The following SUPT20H variants were observed in gnomAD, a reference collection of about 807,000 sequenced individuals.
SUPT20H encodes SPT20 homolog, SAGA complex component, also known as transcription factor SPT20 homolog.
SUPT20H carries 82 observed loss-of-function variants against 122.8 expected under a neutral mutation model. That is an observed-to-expected ratio of 0.67 (90% CI 0.56 to 0.80). The LOEUF (loss-of-function observed/expected upper bound fraction) is 0.80, where lower values mean the gene tolerates loss of function less well. SUPT20H is among the 30% of genes least tolerant of loss of function. SUPT20H has a pLI of 0.00. For missense variants in SUPT20H, 831 were observed against 921.6 expected (o/e 0.90, Z 1.27); for synonymous variants, 291 against 313.0 (o/e 0.93, Z 0.74).
intron 22 of SUPT20H, among the ~76,000 whole-genome samples, chr13:37,018,981 C>CA (rs926339496): frequency 2.1e-4 from 32 of 149,930 alleles, no homozygotes; most frequent in South Asian, 6.3e-4. Context: ...CCTTCAAGCA[C>CA]AAAAAAAAAC....
intron 16 of SUPT20H, chr13:37,025,867 G>T: frequency 4.4e-6 from 1 of 226,690 alleles, no homozygotes. Flanking sequence ...TTAATTCTAT[G>T]AAAAAAAACC....
chr13:37,032,182 A>G (rs968487147), intron 10 of SUPT20H, among the ~76,000 whole-genome samples: 1 of 152,136 alleles, frequency 6.6e-6, no homozygotes, highest in Non-Finnish European at 1.5e-5. Flanking sequence ...GAGAAGCAAA[A>G]GAGTACTGTG....
intron 5 of SUPT20H, among the ~76,000 whole-genome samples, chr13:37,046,526 T>C (rs1259966699): frequency 6.6e-6 from 1 of 152,162 alleles, no homozygotes; most frequent in Non-Finnish European, 1.5e-5. Flanking sequence ...CTAGACAACA[T>C]ACAAACCAAC....
intron 21 of SUPT20H, among the ~76,000 whole-genome samples, chr13:37,019,812 G>A (rs1004171074): frequency 2.0e-5 from 3 of 151,926 alleles, no homozygotes; most frequent in African/African-American, 4.8e-5. Flanking sequence ...TCTAAGAACC[G>A]GTGTGCTTTA....
intron 23 of SUPT20H, among the ~76,000 whole-genome samples, chr13:37,015,902 A>G (rs1045547017): frequency 2.0e-5 from 3 of 152,228 alleles, no homozygotes; most frequent in Non-Finnish European, 4.4e-5. Flanking sequence ...ACTTTATGCC[A>G]AGTGACATAA....
At position 37,031,818 on chromosome 13, in the gene SUPT20H, C is replaced by T. The variant is rs983367878; in HGVS notation, c.785G>A (p.Arg262Lys). 1.2e-6 allele frequency: 2 copies of T among 1,610,568 alleles called. No homozygotes were observed. The highest frequency in any genetic ancestry group is 2.2e-5 in the East Asian group (1 of 44,662). ...LSHCPPPPQL[R>K]LLDFLQKRKE... The stretch of plus-strand genomic sequence containing the variant: ...TCTTTTTTGTAAGAAATCAAGTAAC[C>T]TCAGCTGAGGAGGAGGTGGACAATG... Residue 262 changes from arginine to lysine, a missense_variant, in exon 11 of 26, where the codon AGG (arginine) becomes AAG (lysine). Coordinates refer to ENST00000350612, the MANE Select transcript of SUPT20H (RefSeq NM_001014286.3).
chr13:37,050,767 C>T (rs55643536), intron 2 of SUPT20H, among the ~76,000 whole-genome samples: 1,857 of 152,108 alleles, frequency 0.012, 28 homozygotes, highest in African/African-American at 0.042. Flanking sequence ...TGTCAGAACC[C>T]CACTGTGATA....
At chr13:37,034,023 T>C (rs1377440052) in intron 9 of SUPT20H, among the ~76,000 whole-genome samples, 1 of 152,214 alleles carries the variant, frequency 6.6e-6, no homozygotes, top group East Asian at 1.9e-4. Flanking sequence ...AGAAATGATG[T>C]ATGTTCTCTG....
At chr13:37,053,691 T>G (rs934362572) in intron 1 of SUPT20H, among the ~76,000 whole-genome samples, 54 of 140,470 alleles carry the variant, frequency 3.8e-4, no homozygotes, top group Non-Finnish European at 7.6e-4. Context: ...AAACTAAAAT[T>G]AAAAAAAAAA....
chr13:37,023,938 C>G, intron 19 of SUPT20H, 97 bp downstream of exon 19: 1 of 1,316,652 alleles, frequency 7.6e-7, no homozygotes, highest in Non-Finnish European at 1.0e-6. Context: ...ACAGTACATT[C>G]AGATATCACT....
chr13:37,055,005 T>C (rs1314281766), intron 1 of SUPT20H, among the ~76,000 whole-genome samples: 3 of 152,080 alleles, frequency 2.0e-5, no homozygotes, highest in Admixed American at 2.0e-4. Flanking sequence ...CATGAGTGAA[T>C]TCCCATTCAC....
At position 37,022,163 on chromosome 13, in the gene SUPT20H, A is replaced by C. The variant is rs779670242; in HGVS notation, c.1592-83T>G. On this transcript the variant is annotated intron_variant, in intron 19 of 25. Coordinates refer to ENST00000350612, the MANE Select transcript of SUPT20H (RefSeq NM_001014286.3). This position sits in a 1 kb window ranked among gnomAD's most constrained non-coding sequence, Gnocchi z 4.5. ...GGCTCAGAGACCTTTGCTGCTGAGCAAACTGAGTTAACAAAGTGGGCTGAG... is the reference window on the plus strand; with the variant it reads ...GGCTCAGAGACCTTTGCTGCTGAGCCAACTGAGTTAACAAAGTGGGCTGAG... 2 of 1,613,740 alleles carry C rather than the reference A, an allele frequency of 1.2e-6. No homozygotes were observed. Among genetic ancestry groups the C allele is most frequent in the Admixed American group, 3.3e-5 (2 of 59,912 alleles).
chr13:37,010,713 T>C, intron 24 of SUPT20H, 58 bp from the exon 25 acceptor site: 1 of 1,231,658 alleles, frequency 8.1e-7, no homozygotes, highest in Non-Finnish European at 1.2e-6. Flanking sequence ...CTACCAGGGT[T>C]AGAAAAGGAC....
intron 21 of SUPT20H, among the ~76,000 whole-genome samples, chr13:37,020,216 T>A (rs564829791): frequency 6.6e-6 from 1 of 152,298 alleles, no homozygotes; most frequent in South Asian, 2.1e-4. Context: ...TTTTTTTTTT[T>A]TAAAGATTTA....
At chr13:37,026,460 A>C (rs1041715472) in intron 15 of SUPT20H, among the ~76,000 whole-genome samples, 3 of 152,110 alleles carry the variant, frequency 2.0e-5, no homozygotes, top group Non-Finnish European at 4.4e-5. Flanking sequence ...TGGTTGATTT[A>C]ATTAAGTGAT....
rs1485719287 is a variant in SUPT20H, at chr13:37,045,366, C to T, written c.173G>A (p.Arg58Lys). 6.2e-7 allele frequency: 1 copy of T among 1,613,052 alleles called. No individual in the cohort carries two copies. The highest frequency in any genetic ancestry group is 1.7e-5 in the Admixed American group (1 of 59,912). ...CTTCTCTAACAAGTTCACATTTCTT[C>T]TTAATTTCTGCTTTAAAAAGAGGCA... ...CEKEPEVKKL[R>K]RNVNLLEKLV... Residue 58 changes from arginine (R) to lysine (K), a missense_variant, in exon 6 of 26, where the codon AGA (arginine) becomes AAA (lysine). Physicochemically the swap from Arg to Lys is conservative, Grantham distance 26 (BLOSUM62 2). Coordinates refer to ENST00000350612, the MANE Select transcript of SUPT20H (RefSeq NM_001014286.3).
At chr13:37,019,971 T>C (rs113098150) in intron 21 of SUPT20H, among the ~76,000 whole-genome samples, 498 of 152,288 alleles carry the variant, frequency 3.3e-3, no homozygotes, top group Middle Eastern at 6.8e-3. Flanking sequence ...GAGCATATCT[T>C]AAAGCTGGGG....
At chr13:37,033,166 T>C (rs1367813417) in intron 10 of SUPT20H, among the ~76,000 whole-genome samples, 2 of 150,644 alleles carry the variant, frequency 1.3e-5, no homozygotes, top group East Asian at 3.9e-4. Context: ...TATAAAAATA[T>C]ATAATATGAG....
rs550344197 is a variant in SUPT20H, at chr13:37,025,067, G to A, written c.1329+253C>T. The A allele has an allele frequency of 4.0e-4, 146 of 367,502 alleles. 2 individuals carry two copies. The highest frequency in any genetic ancestry group is 2.6e-3 in the African/African-American group (122 of 46,384). 22.8% of individuals were successfully genotyped at this position (367,502 alleles called of 1,614,324 possible). Reference sequence around the variant, plus strand: ...AGAGATTCTCCTGTCTCAGCCTCCCGAGTGGCTGGGATTACAGGTGTGTGC... The same window carrying A: ...AGAGATTCTCCTGTCTCAGCCTCCCAAGTGGCTGGGATTACAGGTGTGTGC... On this transcript the variant is annotated intron_variant, in intron 17 of 25. Coordinates refer to ENST00000350612, the MANE Select transcript of SUPT20H (RefSeq NM_001014286.3).
Sources: gnomAD v4.1 joint callset for allele counts (sites outside exome capture counted in the v4.1 genomes callset) on GRCh38, gnomAD v4.1.1 for gene constraint, Gnocchi (gnomAD v3.1) non-coding constraint, MANE v1.5 for transcripts, NCBI Gene and HGNC (gene_info 2026-07-23, HGNC 2026-07-21) for gene names.